E2F4: variants seen among roughly 807,000 people sequenced by gnomAD.
The protein encoded by E2F4 is E2F transcription factor 4.
Under a neutral mutation model 44.5 loss-of-function variants are expected in E2F4, and 16 were observed. The observed-to-expected ratio is 0.36, with a 90% CI of 0.24 to 0.55. The LOEUF (loss-of-function observed/expected upper bound fraction) is 0.55. Among genes scored for constraint, E2F4 ranks in the 20% least tolerant of loss-of-function variants. The probability of loss-of-function intolerance (pLI) is 0.87; values close to 1 mark genes in which losing one functional copy is unlikely to be tolerated. For synonymous variants in E2F4, 242 were observed against 207.2 expected (o/e 1.17, Z -1.44); for missense variants, 473 against 522.1 (o/e 0.91, Z 0.92).
Position 67,195,926 on chromosome 16 carries a change from GCAGCAACAGTAA to G in E2F4, c.959_970del (p.Asn320_Ser323del). ...AGCAGCAGCAGCAGCAGCAGCAGCA[GCAGCAACAGTAA>G]CAGCAGCAGTTCGTCCGGACCCAAC... On this transcript the variant is annotated inframe_deletion, in exon 7 of 10. Coordinates refer to ENST00000379378, the MANE Select transcript of E2F4 (RefSeq NM_001950.4). 1 of 1,612,018 alleles carries G rather than the reference GCAGCAACAGTAA, an allele frequency of 6.2e-7. No homozygotes were observed. Among genetic ancestry groups the G allele is most frequent in the Non-Finnish European group, 8.5e-7 (1 of 1,178,256 alleles).
At chr16:67,192,459 G>A in intron 1 of E2F4, 97 bp downstream of exon 1, 1 of 1,369,346 alleles carries the variant, frequency 7.3e-7, no homozygotes, top group African/African-American at 1.5e-5. Context: ...TCCTCCGAGA[G>A]CCGGCCGCCA....
intron 7 of E2F4, 127 bp from the exon 8 acceptor site, chr16:67,197,472 C>A: frequency 2.1e-6 from 2 of 935,592 alleles, no homozygotes; most frequent in Non-Finnish European, 3.4e-6. Flanking sequence ...TTGGCCTAGG[C>A]AGGACCTACA....
At chr16:67,197,797 C>A in intron 8 of E2F4, 70 bp from the exon 9 acceptor site, 1 of 1,611,014 alleles carries the variant, frequency 6.2e-7, no homozygotes, top group South Asian at 1.1e-5. Context: ...GTGGGGTTCC[C>A]TTTCCTGGGC....
At chr16:67,195,155 C>A (rs1456910871) in intron 6 of E2F4, among the ~76,000 whole-genome samples, 175 bp downstream of exon 6, 1 of 152,192 alleles carries the variant, frequency 6.6e-6, no homozygotes, top group Non-Finnish European at 1.5e-5. Flanking sequence ...GTTTTTGAGA[C>A]GGAGTCTCAC....
At position 67,192,369 on chromosome 16, in the gene E2F4, C is replaced by T. The variant is rs371574170; in HGVS notation, c.135+7C>T. On this transcript the variant is annotated splice_region_variant and intron_variant, in intron 1 of 9. Transcript: ENST00000379378. ...CGTGCTTGACCTCAAGCTGGTGCGG[C>T]CTGGGCTAAGGGGAGACAAGGGAGG... 4.5e-4 allele frequency: 632 copies of T among 1,417,928 alleles called. 7 individuals carry two copies. The South Asian group carries it at 6.9e-3, about 15-fold the overall frequency. 87.8% of individuals were successfully genotyped at this position (1,417,928 alleles called of 1,614,324 possible). A position where few individuals can be genotyped will look rare whatever the true frequency, so the allele number is the denominator to read the frequency against.
intron 7 of E2F4, among the ~76,000 whole-genome samples, chr16:67,197,115 T>C (rs1160429070): frequency 6.6e-6 from 1 of 152,164 alleles, no homozygotes; most frequent in Non-Finnish European, 1.5e-5. Flanking sequence ...GAGCCTGGCA[T>C]GTGAAATCCC....
In E2F4 at chr16:67,195,951, G is replaced by A. The variant is rs918876435; in HGVS notation, c.978G>A (p.Ser326=). Residue 326 remains serine (S), a synonymous_variant, in exon 7 of 10, where the codon TCG becomes TCA. Transcript: ENST00000379378. ...SSSSNSNSSS[S]SGPNPSTSFE... ...GCAGCAACAGTAACAGCAGCAGTTC[G>A]TCCGGACCCAACCCTTCTACCTCCT... The A allele has an allele frequency of 9.3e-6, 15 of 1,613,302 alleles. No individual in the cohort carries two copies. Among genetic ancestry groups the A allele is most frequent in the East Asian group, 4.5e-5 (2 of 44,864 alleles).
rs548304709 is a variant in E2F4, at chr16:67,198,241, G to C, written c.*118G>C. 2 of 859,620 alleles carry C rather than the reference G, an allele frequency of 2.3e-6. No homozygotes were observed. Among genetic ancestry groups the C allele is most frequent in the South Asian group, 1.4e-5 (1 of 69,122 alleles). The allele number at this position is 859,620 out of a possible 1,614,324, so 53.2% of individuals were successfully genotyped here. On this transcript the variant is annotated 3_prime_UTR_variant, in exon 10 of 10. Coordinates refer to ENST00000379378, the MANE Select transcript of E2F4 (RefSeq NM_001950.4). ...AGAGCCACAGACGCCTGGCTTCTCC[G>C]GCCTCCCCTCACCGCACAGTTCTGG...
intron 1 of E2F4, 191 bp from the exon 2 acceptor site, chr16:67,192,570 G>C (rs1319723574): frequency 7.2e-6 from 7 of 972,344 alleles, no homozygotes; most frequent in Non-Finnish European, 7.4e-6. Context: ...GCAGGTGTTC[G>C]TCCTCGTGGC....
At position 67,194,466 on chromosome 16, in the gene E2F4, G is replaced by GGGCCC. The variant is rs781048916; in HGVS notation, c.513+7_513+8insGGCCC. The GGGCCC allele has an allele frequency of 1.2e-6, 2 of 1,613,636 alleles. No individual in the cohort carries two copies. Among genetic ancestry groups the GGGCCC allele is most frequent in the African/African-American group, 2.7e-5 (2 of 74,938 alleles). On this transcript the variant is annotated splice_region_variant and intron_variant, in intron 5 of 9. Transcript: ENST00000379378. ...GGAGGTGCCCATCCCAGAGGTGGGT[G>GGGCCC]CTTAGCCCAGGCAGGCGGGGTCAGC...
At chr16:67,196,052 G>T in intron 7 of E2F4, 46 bp downstream of exon 7, 1 of 1,610,056 alleles carries the variant, frequency 6.2e-7, no homozygotes, top group African/African-American at 1.3e-5. Flanking sequence ...TCTAGCCTCA[G>T]TCCAGTCCTA....
Position 67,192,333 on chromosome 16 carries a change from G to T in E2F4, c.106G>T (p.Ala36Ser). The T allele has an allele frequency of 7.0e-7, 1 of 1,428,868 alleles. No homozygotes were observed. Among genetic ancestry groups the T allele is most frequent in the Non-Finnish European group, 9.2e-7 (1 of 1,089,532 alleles). 88.5% of individuals were successfully genotyped at this position (1,428,868 alleles called of 1,614,324 possible). A position where few individuals can be genotyped will look rare whatever the true frequency, so the allele number is the denominator to read the frequency against. The change falls in exon 1 of 10, where the codon GCC (alanine) becomes TCC (serine). Residue 36 changes from alanine to serine, a missense_variant. By Grantham distance (99) the Ala-to-Ser change is moderately conservative (BLOSUM62 1). Coordinates refer to ENST00000379378, the MANE Select transcript of E2F4 (RefSeq NM_001950.4). ...TTKFVSLLQE[A>S]KDGVLDLKLA... ...CAAGTTCGTGTCCCTTCTGCAGGAG[G>T]CCAAGGACGGCGTGCTTGACCTCAA...
intron 5 of E2F4, 39 bp downstream of exon 5, chr16:67,194,498 C>T (rs372944523): frequency 4.4e-5 from 71 of 1,610,966 alleles, no homozygotes; most frequent in East Asian, 8.9e-5. Context: ...CAGCTGAGGG[C>T]GGGTGCTGGC....
intron 6 of E2F4, among the ~76,000 whole-genome samples, chr16:67,195,500 C>A (rs2032952643): frequency 6.6e-6 from 1 of 152,182 alleles, no homozygotes; most frequent in East Asian, 1.9e-4. Flanking sequence ...GTTTTCTCCC[C>A]CAGATCCACA....
chr16:67,194,619 G>A (rs1316655587), intron 5 of E2F4, 67 bp from the exon 6 acceptor site: 1 of 1,582,160 alleles, frequency 6.3e-7, no homozygotes, highest in Admixed American at 1.7e-5. Context: ...TCCTGACCCG[G>A]AGTCGGGCAG....
chr16:67,193,056 T>G lies in E2F4; in HGVS notation c.293T>G (p.Ile98Ser), dbSNP rs755298790. The G allele has an allele frequency of 6.4e-7, 1 of 1,571,322 alleles. No homozygotes were observed. The highest frequency in any genetic ancestry group is 1.2e-5 in the South Asian group (1 of 86,076). ...CNTREIADKLIELKAEIEELQ... is the reference protein window; with the variant it reads ...CNTREIADKLSELKAEIEELQ... ...ACCCGGGAGATTGCTGACAAACTGA[T>G]TGAGCTCAAGGCAGAGATCGAGGAG... The change falls in exon 3 of 10, where the codon ATT (isoleucine) becomes AGT (serine). Residue 98 changes from isoleucine to serine, a missense_variant. Ile to Ser is a moderately radical substitution (Grantham distance 142). Transcript: ENST00000379378.
At chr16:67,194,533 G>A in intron 5 of E2F4, 74 bp downstream of exon 5, 1 of 1,592,410 alleles carries the variant, frequency 6.3e-7, no homozygotes, top group Non-Finnish European at 8.6e-7. Flanking sequence ...AGTCCTGGGT[G>A]GGGCAAGTAG....
intron 7 of E2F4, among the ~76,000 whole-genome samples, chr16:67,196,642 C>T (rs751659330): frequency 2.0e-5 from 3 of 152,202 alleles, no homozygotes; most frequent in African/African-American, 4.8e-5. Context: ...CCCCAGCCTC[C>T]GCCTGGCCTA....
chr16:67,193,148 A>C lies in E2F4; in HGVS notation c.385A>C (p.Thr129Pro). 1 of 1,572,670 alleles carries C rather than the reference A, an allele frequency of 6.4e-7. No individual in the cohort carries two copies. The highest frequency in any genetic ancestry group is 8.6e-7 in the Non-Finnish European group (1 of 1,158,738). ...VWVQQSIRNV[T>P]EDVQNSCLAY... ...GGTGCAGCAGAGCATCCGGAACGTC[A>C]CAGAGGACGTGCAGAACAGCTGATA... The change falls in exon 3 of 10, where the codon ACA (threonine) becomes CCA (proline). Residue 129 changes from threonine (T) to proline (P), a missense_variant. Physicochemically the swap from Thr to Pro is conservative, Grantham distance 38. Transcript: ENST00000379378.
Sources: allele counts gnomAD v4.1 joint callset (sites outside exome capture counted in the v4.1 genomes callset), GRCh38; gene constraint gnomAD v4.1.1; transcripts MANE v1.5; gene names NCBI Gene and HGNC (gene_info 2026-07-23, HGNC 2026-07-21).